The following JPH2 variants were observed in gnomAD, a reference collection of about 807,000 sequenced individuals.
The protein encoded by JPH2 is junctophilin-2.
Under a neutral mutation model 55.9 loss-of-function variants are expected in JPH2, and 38 were observed. That is an observed-to-expected ratio of 0.68 (90% CI 0.52 to 0.89). The LOEUF is 0.89. Among genes scored for constraint, JPH2 ranks in the 40% least tolerant of loss-of-function variants. The pLI is 0.00. For missense variants in JPH2, 964 were observed against 1,037.6 expected, an observed-to-expected ratio of 0.93 and a Z score of 0.97; for synonymous variants, 480 against 472.4, an observed-to-expected ratio of 1.02 and a Z score of -0.21.
chr20:44,107,646 A>T lies in JPH2; in HGVS notation c.*5872T>A, dbSNP rs1354174318. On this transcript the variant is annotated 3_prime_UTR_variant, in exon 6 of 6. Transcript: ENST00000372980. ...GGGACAGCTATTCTATGACAAACTT[A>T]TATGGTGTATAGCAATTATAAACTG... is the stretch of plus-strand genomic sequence containing the variant. Among the ~76,000 whole-genome samples the T allele has an allele frequency of 6.6e-6, 1 of 152,244 alleles. No homozygotes were observed. Among genetic ancestry groups the T allele is most frequent in the East Asian group, 1.9e-4 (1 of 5,200 alleles).
intron 3 of JPH2, 60 bp from the exon 4 acceptor site, chr20:44,116,446 G>A (rs1177375305): frequency 5.9e-6 from 9 of 1,533,474 alleles, no homozygotes; most frequent in African/African-American, 1.4e-5. Flanking sequence ...GGTGATCCTG[G>A]GCCAGCCACT....
At position 44,126,987 on chromosome 20, in the gene JPH2, G is replaced by A. The variant is rs184013833; in HGVS notation, c.1170-8364C>T. Among the ~76,000 whole-genome samples the A allele has an allele frequency of 1.2e-4, 18 of 152,322 alleles. No homozygotes were observed. In the East Asian group the frequency reaches 3.5e-3, roughly 29 times the overall value. On this transcript the variant is annotated intron_variant, in intron 2 of 5. Transcript: ENST00000372980. ...AATGTGCTTAGCATGAACTGAGCAC[G>A]TAACAAATATTAGCTATCATTATTG...
At chr20:44,183,460 C>G (rs1392844507) in intron 1 of JPH2, among the ~76,000 whole-genome samples, 1 of 152,190 alleles carries the variant, frequency 6.6e-6, no homozygotes, top group African/African-American at 2.4e-5. Flanking sequence ...AACACGGTCT[C>G]GAGGGCAGGC....
At chr20:44,144,488 A>G (rs1226440284) in intron 2 of JPH2, among the ~76,000 whole-genome samples, 1 of 152,168 alleles carries the variant, frequency 6.6e-6, no homozygotes, top group Non-Finnish European at 1.5e-5. Flanking sequence ...GGCTTAGGGA[A>G]GACCAAGGAC....
intron 1 of JPH2, among the ~76,000 whole-genome samples, chr20:44,185,669 A>G (rs866394715): frequency 4.2e-4 from 62 of 148,048 alleles, no homozygotes; most frequent in African/African-American, 1.1e-3. Context: ...GATGGATCAT[A>G]GATGGATGGA....
At chr20:44,142,920 C>G (rs1010987033) in intron 2 of JPH2, among the ~76,000 whole-genome samples, 2 of 152,136 alleles carry the variant, frequency 1.3e-5, no homozygotes, top group Non-Finnish European at 2.9e-5. Context: ...CTGGGTCACA[C>G]ATACCTGCTG....
In JPH2 at chr20:44,159,977, G is replaced by T. The variant is rs779680763; in HGVS notation, c.810C>A (p.Ala270=). 1.9e-5 allele frequency: 31 copies of T among 1,591,706 alleles called. No individual in the cohort carries two copies. The highest frequency in any genetic ancestry group is 2.6e-5 in the Non-Finnish European group (31 of 1,173,468). ...AGGGTGCGGCCTCGTCGGCGCCCTC[G>T]GCGGCCTCTCCCAGGCTGGCGGTGG... The part of the protein sequence containing the change: ...AASTASLGEA[A]EGADEAAPFE... Residue 270 remains alanine, a synonymous_variant, in exon 2 of 6, where the codon GCC becomes GCA. Coordinates refer to ENST00000372980, the MANE Select transcript of JPH2 (RefSeq NM_020433.5). The surrounding 1 kb of genome is among the most constrained non-coding windows in gnomAD (Gnocchi z 5.7).
chr20:44,153,085 A>T (rs1251802254), intron 2 of JPH2, among the ~76,000 whole-genome samples: 2 of 152,190 alleles, frequency 1.3e-5, no homozygotes, highest in Non-Finnish European at 2.9e-5. Context: ...AAAAACTGGG[A>T]CTGGGGCCTG....
rs925564610 is a variant in JPH2 at position 44,109,916 on chromosome 20, G to A, written c.*3602C>T. On this transcript the variant is annotated 3_prime_UTR_variant, in exon 6 of 6. Coordinates refer to ENST00000372980, the MANE Select transcript of JPH2 (RefSeq NM_020433.5). ...CCTTTCACTGCCCTGGAAGAGTCCTGCAGAGACCTCAAGGCAGTGGGCCAG... is the reference window on the plus strand; with the variant it reads ...CCTTTCACTGCCCTGGAAGAGTCCTACAGAGACCTCAAGGCAGTGGGCCAG... Among the ~76,000 whole-genome samples the A allele has an allele frequency of 6.6e-6, 1 of 152,112 alleles. No individual in the cohort carries two copies. The highest frequency in any genetic ancestry group is 1.9e-4 in the East Asian group (1 of 5,190).
intron 2 of JPH2, among the ~76,000 whole-genome samples, chr20:44,150,855 G>A (rs770712788): frequency 2.6e-5 from 4 of 151,712 alleles, no homozygotes; most frequent in Non-Finnish European, 4.4e-5. Context: ...GCAAGACCTC[G>A]TCTCTACAAA....
At position 44,115,737 on chromosome 20, in the gene JPH2, G is replaced by C. The variant is rs374362130; in HGVS notation, c.1938C>G (p.Thr646=). 2 of 1,613,510 alleles carry C rather than the reference G, an allele frequency of 1.2e-6. No individual in the cohort carries two copies. The change falls in exon 4 of 6, where the codon ACC becomes ACG. Residue 646 remains threonine (T), a synonymous_variant. Transcript: ENST00000372980. ...KARKTEARGL[T]KAGAKKKARK... ...GCGCCTTCTTCTTGGCCCCCGCCTT[G>C]GTCAGCCCTCGAGCCTCAGTCTTGC...
In JPH2 at chr20:44,160,023, G is replaced by A; in HGVS notation, c.764C>T (p.Ser255Leu). Residue 255 changes from serine to leucine, a missense_variant, in exon 2 of 6, where the codon TCG (serine) becomes TTG (leucine). Physicochemically the swap from Ser to Leu is moderately radical, Grantham distance 145. Coordinates refer to ENST00000372980, the MANE Select transcript of JPH2 (RefSeq NM_020433.5). The surrounding 1 kb of genome is among the most constrained non-coding windows in gnomAD (Gnocchi z 4.9). Reference sequence around the variant, plus strand: ...GGTGGACGCGGCGTCGCTGGCGCCCGAGCTGAGGTCGCTCTTAAGGAAGCT... The same window carrying A: ...GGTGGACGCGGCGTCGCTGGCGCCCAAGCTGAGGTCGCTCTTAAGGAAGCT... The part of the protein sequence containing the change: ...RVSFLKSDLS[S>L]GASDAASTAS... The A allele has an allele frequency of 6.4e-7, 1 of 1,566,448 alleles. No individual in the cohort carries two copies.
intron 1 of JPH2, among the ~76,000 whole-genome samples, chr20:44,170,285 T>G (rs144042116): frequency 2.0e-5 from 3 of 152,318 alleles, no homozygotes; most frequent in African/African-American, 7.2e-5. Context: ...CAAATTCTCA[T>G]TGCCCAAGAC....
rs1268969603 is a variant in JPH2, at chr20:44,186,942, C to T, written c.-237G>A. On this transcript the variant is annotated 5_prime_UTR_variant, in exon 1 of 6. Coordinates refer to ENST00000372980, the MANE Select transcript of JPH2 (RefSeq NM_020433.5). Reference sequence around the variant, plus strand: ...CCCGACTCCACCAGCCAGAGCAAGGCTGCCTGCTGGAAAGAAAGCAGGAAG... The same window carrying T: ...CCCGACTCCACCAGCCAGAGCAAGGTTGCCTGCTGGAAAGAAAGCAGGAAG... The T allele has an allele frequency of 1.0e-5, 6 of 590,506 alleles. No individual in the cohort carries two copies. The South Asian group carries it at 1.2e-4, about 12-fold the overall frequency. The allele number at this position is 590,506 out of a possible 1,614,324, so 36.6% of individuals were successfully genotyped here. A position where few individuals can be genotyped will look rare whatever the true frequency, so the allele number is the denominator to read the frequency against.
rs6031389 is a variant in JPH2, at chr20:44,110,103, G to T, written c.*3415C>A. ...TGAGCCAACAGGGGGTGCTGTCTCC[G>T]ACTAACCCTACCTGGCTCTGAGTCT... On this transcript the variant is annotated 3_prime_UTR_variant, in exon 6 of 6. Transcript: ENST00000372980. Among the ~76,000 whole-genome samples, 1 of 151,894 alleles carries T rather than the reference G, an allele frequency of 6.6e-6. No homozygotes were observed. Among genetic ancestry groups the T allele is most frequent in the South Asian group, 2.1e-4 (1 of 4,816 alleles).
rs1009788432 is a variant in JPH2 at position 44,110,427 on chromosome 20, T to A, written c.*3091A>T. 3.8e-5 allele frequency among the ~76,000 whole-genome samples: 4 copies of A among 105,294 alleles called. No homozygotes were observed. The highest frequency in any genetic ancestry group is 1.1e-4 in the African/African-American group (2 of 18,766). 69.1% of individuals were successfully genotyped at this position (105,294 alleles called of 152,430 possible). On this transcript the variant is annotated 3_prime_UTR_variant, in exon 6 of 6. Coordinates refer to ENST00000372980, the MANE Select transcript of JPH2 (RefSeq NM_020433.5). ...CATTCCAGAGTTTTGAAAACTTTTGTGTTTTTTTTTTTTTCCAGATGGAGT... is the reference window on the plus strand; with the variant it reads ...CATTCCAGAGTTTTGAAAACTTTTGAGTTTTTTTTTTTTTCCAGATGGAGT...
In JPH2 at chr20:44,116,388, T is replaced by C. The variant is rs1170280355; in HGVS notation, c.1289-2A>G. On this transcript the variant is annotated splice_acceptor_variant, in intron 3 of 5. Coordinates refer to ENST00000372980, the MANE Select transcript of JPH2 (RefSeq NM_020433.5). LOFTEE classifies it high-confidence loss of function. ...GCCGGCGCTTCTGATATTCCGGACC[T>C]GCCAGGGCAACACAGGGAGGCTGGG... 1.9e-6 allele frequency: 3 copies of C among 1,547,344 alleles called. No individual in the cohort carries two copies. The highest frequency in any genetic ancestry group is 2.6e-6 in the Non-Finnish European group (3 of 1,146,612).
chr20:44,126,701 A>C (rs113278836), intron 2 of JPH2, among the ~76,000 whole-genome samples: 1 of 152,272 alleles, frequency 6.6e-6, no homozygotes, highest in East Asian at 1.9e-4. Flanking sequence ...GACTCCATTC[A>C]TTCTCATTCG....
intron 1 of JPH2, among the ~76,000 whole-genome samples, chr20:44,171,481 A>G (rs2072697713): frequency 6.6e-6 from 1 of 152,124 alleles, no homozygotes; most frequent in Non-Finnish European, 1.5e-5. Context: ...CCTAGAATCT[A>G]CTAGAAGGAT....
Sources: allele counts gnomAD v4.1 joint callset (sites outside exome capture counted in the v4.1 genomes callset), GRCh38; gene constraint gnomAD v4.1.1; non-coding constraint Gnocchi (gnomAD v3.1); transcripts MANE v1.5; gene names NCBI Gene and HGNC (gene_info 2026-07-23, HGNC 2026-07-21).